PGPEP1: variants seen among roughly 807,000 people sequenced by gnomAD.
The protein encoded by PGPEP1 is pyroglutamyl-peptidase 1.
In PGPEP1, 15 loss-of-function variants were observed where a neutral mutation model predicts 24.1. The ratio of observed to expected loss-of-function variants is 0.62; its 90% CI spans 0.42 to 0.96. The LOEUF (loss-of-function observed/expected upper bound fraction) is 0.96, where lower values mean the gene tolerates loss of function less well. Among genes scored for constraint, PGPEP1 ranks in the 40% least tolerant of loss-of-function variants. PGPEP1 has a pLI of 0.00. For missense variants in PGPEP1, 242 were observed against 273.4 expected (o/e 0.89, Z 0.81); for synonymous variants, 122 against 116.4 (o/e 1.05, Z -0.31).
rs781277607 is a variant in PGPEP1, at chr19:18,340,654, C to G, written c.-28C>G. ...GCTGTCGCGCCAGTCGCAACAGAAG[C>G]AGGTCCGAGGCACAGCCCGATCCCG... On this transcript the variant is annotated 5_prime_UTR_variant, in exon 1 of 5. Coordinates refer to ENST00000269919, the MANE Select transcript of PGPEP1 (RefSeq NM_017712.4). The G allele has an allele frequency of 7.8e-6, 12 of 1,534,152 alleles. No homozygotes were observed. In the East Asian group the frequency reaches 3.0e-4, roughly 39 times the overall value.
rs148156737 is a variant in PGPEP1 at position 18,363,436 on chromosome 19, C to T, written c.483C>T (p.His161=). ...ACTACACCTCTTTGTACCAGAGTCA[C>T]GGTCGATCAGCCTTCGTCCACGTGC... ...FTYYTSLYQS[H]GRSAFVHVPP... Residue 161 remains histidine (H), a synonymous_variant, in exon 5 of 5, where the codon CAC becomes CAT. Coordinates refer to ENST00000269919, the MANE Select transcript of PGPEP1 (RefSeq NM_017712.4). 50 of 1,613,920 alleles carry T rather than the reference C, an allele frequency of 3.1e-5. No homozygotes were observed. The highest frequency in any genetic ancestry group is 1.6e-4 in the East Asian group (7 of 44,870).
rs1971569977 is a variant in PGPEP1, at chr19:18,366,960, C to T, written c.*3377C>T. The stretch of plus-strand genomic sequence containing the variant: ...CTTGAGCCAGGAGTTCAAGACCAGC[C>T]TGGGCAACATAGCAAGAGATCCCAT... On this transcript the variant is annotated 3_prime_UTR_variant, in exon 5 of 5. Transcript: ENST00000269919. The T allele has an allele frequency of 6.6e-6, 1 of 151,664 alleles. No individual in the cohort carries two copies. Among genetic ancestry groups the T allele is most frequent in the Non-Finnish European group, 1.5e-5 (1 of 68,022 alleles). 9.4% of individuals were successfully genotyped at this position (151,664 alleles called of 1,614,324 possible). A position where few individuals can be genotyped will look rare whatever the true frequency, so the allele number is the denominator to read the frequency against.
At position 18,363,772 on chromosome 19, in the gene PGPEP1, G is replaced by A; in HGVS notation, c.*189G>A. Reference sequence around the variant, plus strand: ...CTCCGGTTGATTCGAGGGAAGTGGTGAAAATTTTTTTTTCTCCCATTTTCC... The same window carrying A: ...CTCCGGTTGATTCGAGGGAAGTGGTAAAAATTTTTTTTTCTCCCATTTTCC... On this transcript the variant is annotated 3_prime_UTR_variant, in exon 5 of 5. Transcript: ENST00000269919. 1 of 497,180 alleles carries A rather than the reference G, an allele frequency of 2.0e-6. No individual in the cohort carries two copies. Among genetic ancestry groups the A allele is most frequent in the East Asian group, 3.1e-5 (1 of 31,794 alleles). 30.8% of individuals were successfully genotyped at this position (497,180 alleles called of 1,614,324 possible).
chr19:18,355,936 T>A lies in PGPEP1; in HGVS notation c.129T>A (p.His43Gln). Reference protein sequence around the residue: ...KLGLGDSVDLHVYEIPVEYQT... With the variant: ...KLGLGDSVDLQVYEIPVEYQT... The stretch of plus-strand genomic sequence containing the variant: ...GCCTTGGCGACAGCGTGGACCTGCA[T>A]GTGTACGAGATTCCGGTTGAGTACC... Residue 43 changes from histidine to glutamine, a missense_variant, in exon 3 of 5, where the codon CAT (histidine) becomes CAA (glutamine). Coordinates refer to ENST00000269919, the MANE Select transcript of PGPEP1 (RefSeq NM_017712.4). 1 of 1,613,634 alleles carries A rather than the reference T, an allele frequency of 6.2e-7. No homozygotes were observed. The highest frequency in any genetic ancestry group is 8.5e-7 in the Non-Finnish European group (1 of 1,179,648).
intron 2 of PGPEP1, among the ~76,000 whole-genome samples, chr19:18,345,025 A>T (rs1970791854): frequency 6.6e-6 from 1 of 151,828 alleles, no homozygotes; most frequent in Admixed American, 6.6e-5. Context: ...CTGGAGACAC[A>T]GTTTCGTTCT....
Position 18,363,713 on chromosome 19 carries a change from C to T in PGPEP1, c.*130C>T. 1.6e-6 allele frequency: 1 copy of T among 614,764 alleles called. No individual in the cohort carries two copies. Among genetic ancestry groups the T allele is most frequent in the Non-Finnish European group, 2.8e-6 (1 of 359,718 alleles). The allele number at this position is 614,764 out of a possible 1,614,324, so 38.1% of individuals were successfully genotyped here. A position where few individuals can be genotyped will look rare whatever the true frequency, so the allele number is the denominator to read the frequency against. On this transcript the variant is annotated 3_prime_UTR_variant, in exon 5 of 5. Coordinates refer to ENST00000269919, the MANE Select transcript of PGPEP1 (RefSeq NM_017712.4). Reference sequence around the variant, plus strand: ...TCCGATCTGGAAGAGAGATTCTGATCTGCCCACCTCCTCTTCCTCCTTCTC... The same window carrying T: ...TCCGATCTGGAAGAGAGATTCTGATTTGCCCACCTCCTCTTCCTCCTTCTC...
In PGPEP1 at chr19:18,359,802, C is replaced by T. The variant is rs575634058; in HGVS notation, c.437+2187C>T. Among the ~76,000 whole-genome samples the T allele has an allele frequency of 7.5e-4, 114 of 152,170 alleles. 1 individual carries two copies. The highest frequency in any genetic ancestry group is 2.3e-3 in the African/African-American group (96 of 41,514). ...TGCTGGGATTATAGGCCTGAGCCAC[C>T]GCGCCTGGCCCTCTTTCCAGTCTTA... On this transcript the variant is annotated intron_variant, in intron 4 of 4. Transcript: ENST00000269919.
chr19:18,345,745 A>G (rs1470442137), intron 2 of PGPEP1, among the ~76,000 whole-genome samples: 2 of 145,224 alleles, frequency 1.4e-5, no homozygotes, highest in African/African-American at 5.1e-5. Flanking sequence ...AAAAAAAAAA[A>G]GAAAAGAAAT....
intron 3 of PGPEP1, 68 bp from the exon 4 acceptor site, chr19:18,357,314 TG>T: frequency 8.5e-7 from 1 of 1,171,886 alleles, no homozygotes; most frequent in South Asian, 1.3e-5. Flanking sequence ...GCCTTTTCCC[TG>T]GCCTCAGGGG....
At chr19:18,355,480 C>G (rs1259119942) in intron 2 of PGPEP1, among the ~76,000 whole-genome samples, 2 of 152,008 alleles carry the variant, frequency 1.3e-5, no homozygotes, top group Non-Finnish European at 2.9e-5. Flanking sequence ...AGACTGGTCT[C>G]GAACTCCTGA....
chr19:18,355,837 G>T, intron 2 of PGPEP1, 58 bp from the exon 3 acceptor site: 1 of 1,048,348 alleles, frequency 9.5e-7, no homozygotes, highest in Non-Finnish European at 1.5e-6. Flanking sequence ...CCCAGAGAGC[G>T]CATTATCCCC....
intron 2 of PGPEP1, among the ~76,000 whole-genome samples, chr19:18,346,647 T>G (rs1470390467): frequency 6.9e-6 from 1 of 144,036 alleles, no homozygotes; most frequent in Non-Finnish European, 1.5e-5. Flanking sequence ...TTTTTTTTTT[T>G]TTTTTTTTTT....
At chr19:18,356,126 G>C (rs1437369964) in intron 3 of PGPEP1, 115 bp downstream of exon 3, 1 of 695,788 alleles carries the variant, frequency 1.4e-6, no homozygotes, top group East Asian at 2.6e-5. Context: ...ATGCCATACA[G>C]CCTTGTCCTC....
intron 3 of PGPEP1, among the ~76,000 whole-genome samples, 188 bp downstream of exon 3, chr19:18,356,199 G>A (rs558713401): frequency 2.6e-5 from 4 of 152,244 alleles, no homozygotes; most frequent in South Asian, 4.1e-4. Flanking sequence ...TTGGGAGGCC[G>A]AGGCAGGTGG....
chr19:18,360,985 C>T (rs1157972109), intron 4 of PGPEP1, among the ~76,000 whole-genome samples: 5 of 151,742 alleles, frequency 3.3e-5, no homozygotes, highest in South Asian at 2.1e-4. Flanking sequence ...GCACCCACCA[C>T]CACACCCAGC....
At chr19:18,359,722 AG>A (rs1568317648) in intron 4 of PGPEP1, among the ~76,000 whole-genome samples, 4 of 152,006 alleles carry the variant, frequency 2.6e-5, no homozygotes, top group African/African-American at 9.7e-5. Context: ...TGGCCACACC[AG>A]GGTGGTCTCG....
intron 4 of PGPEP1, among the ~76,000 whole-genome samples, chr19:18,363,029 T>TGGTTTGTGTG (rs1555713123): frequency 1.7e-5 from 1 of 59,418 alleles, no homozygotes; most frequent in Non-Finnish European, 3.7e-5. Flanking sequence ...CAAGTTTTTT[T>TGGTTTGTGTG]TGTTTGTGTG....
At chr19:18,344,132 G>A (rs1970762529) in intron 2 of PGPEP1, among the ~76,000 whole-genome samples, 1 of 146,324 alleles carries the variant, frequency 6.8e-6, no homozygotes, top group Admixed American at 7.2e-5. Flanking sequence ...AATATGTGGG[G>A]TGGGGTGGCA....
chr19:18,343,096 T>C (rs1970721008), intron 2 of PGPEP1, among the ~76,000 whole-genome samples, 185 bp downstream of exon 2: 1 of 151,286 alleles, frequency 6.6e-6, no homozygotes, highest in Admixed American at 6.6e-5. Flanking sequence ...GCCTCCTGGG[T>C]TTAAGCGATT....
Sources: gnomAD v4.1 joint callset for allele counts (sites outside exome capture counted in the v4.1 genomes callset) on GRCh38, gnomAD v4.1.1 for gene constraint, MANE v1.5 for transcripts, NCBI Gene and HGNC (gene_info 2026-07-23, HGNC 2026-07-21) for gene names.